Variants in POU6F2 observed in about 807,000 individuals in gnomAD.
The protein encoded by POU6F2 is POU domain, class 6, transcription factor 2.
In POU6F2, 31 loss-of-function variants were observed where a neutral mutation model predicts 71.3. The ratio of observed to expected loss-of-function variants is 0.43; its 90% CI spans 0.33 to 0.59. The LOEUF (loss-of-function observed/expected upper bound fraction) is 0.59. POU6F2 is among the 20% of genes least tolerant of loss of function. The pLI is 0.04. For missense variants in POU6F2, 783 were observed against 856.8 expected, an observed-to-expected ratio of 0.91 and a Z score of 1.07; for synonymous variants, 347 against 355.7, an observed-to-expected ratio of 0.98 and a Z score of 0.27.
At chr7:38,989,715 T>C (rs1056733752) in intron 1 of POU6F2, among the ~76,000 whole-genome samples, 4 of 151,748 alleles carry the variant, frequency 2.6e-5, no homozygotes, top group Admixed American at 2.6e-4. Flanking sequence ...ACAAATAAAA[T>C]ATATCCTGAG....
chr7:39,335,159 A>G (rs185860983), intron 4 of POU6F2, among the ~76,000 whole-genome samples: 1 of 151,828 alleles, frequency 6.6e-6, no homozygotes, highest in Non-Finnish European at 1.5e-5. Flanking sequence ...AACATGTACC[A>G]TGGCCCTTCT....
At chr7:39,250,465 G>A (rs1423420080) in intron 4 of POU6F2, among the ~76,000 whole-genome samples, 1 of 152,122 alleles carries the variant, frequency 6.6e-6, no homozygotes, top group African/African-American at 2.4e-5. Flanking sequence ...ACAGGTACAA[G>A]GAAAACAAAC....
intron 8 of POU6F2, among the ~76,000 whole-genome samples, chr7:39,457,244 G>A (rs1326062118): frequency 6.6e-6 from 1 of 152,190 alleles, no homozygotes; most frequent in East Asian, 1.9e-4. Context: ...GTGTCTGGTG[G>A]CAACACAGGC....
intron 8 of POU6F2, among the ~76,000 whole-genome samples, chr7:39,458,607 C>G (rs1228938681): frequency 2.0e-5 from 3 of 152,030 alleles, no homozygotes; most frequent in Admixed American, 1.3e-4. Context: ...AGGGACGGCC[C>G]GAACAAATCT....
intron 1 of POU6F2, among the ~76,000 whole-genome samples, chr7:39,082,621 T>A (rs986634030): frequency 1.3e-5 from 2 of 152,096 alleles, no homozygotes; most frequent in Admixed American, 1.3e-4. Flanking sequence ...AGAGAGAGAA[T>A]GACTTCCAAG....
intron 2 of POU6F2, among the ~76,000 whole-genome samples, chr7:39,126,615 C>G (rs1179052339): frequency 6.6e-6 from 1 of 152,024 alleles, no homozygotes; most frequent in African/African-American, 2.4e-5. Flanking sequence ...TAAGACTGGC[C>G]TAAGATTTTC....
intron 4 of POU6F2, 82 bp from the exon 5 acceptor site, chr7:39,339,560 A>G (rs1020645055): frequency 2.5e-5 from 37 of 1,471,076 alleles, no homozygotes; most frequent in Middle Eastern, 1.8e-4. Context: ...ACCCTTCTCC[A>G]CTTGCACTGG....
intron 4 of POU6F2, among the ~76,000 whole-genome samples, chr7:39,244,662 G>A (rs891344791): frequency 6.6e-6 from 1 of 152,116 alleles, no homozygotes; most frequent in Non-Finnish European, 1.5e-5. Context: ...TACAAGCAGT[G>A]TAATGTTAAT....
chr7:39,230,764 G>A (rs754128687), intron 4 of POU6F2, among the ~76,000 whole-genome samples: 15 of 152,088 alleles, frequency 9.9e-5, no homozygotes, highest in Non-Finnish European at 2.2e-4. Context: ...AGTTAGTACT[G>A]GTCAATATAC....
Position 39,199,178 on chromosome 7 carries a change from C to T in POU6F2, c.278-5057C>T, listed in dbSNP as rs192271419. Reference sequence around the variant, plus strand: ...CTTAAGCACTGTACTTTGGAGGGATCGCTGACACATGGGAGGAAGTGGAGT... The same window carrying T: ...CTTAAGCACTGTACTTTGGAGGGATTGCTGACACATGGGAGGAAGTGGAGT... On this transcript the variant is annotated intron_variant, in intron 2 of 9. Coordinates refer to ENST00000518318, the MANE Select transcript of POU6F2 (RefSeq NM_001370959.1). Among the ~76,000 whole-genome samples the T allele has an allele frequency of 9.2e-5, 14 of 152,288 alleles. 1 individual carries two copies. The East Asian group carries it at 2.5e-3, about 27-fold the overall frequency.
chr7:39,220,448 A>G lies in POU6F2; in HGVS notation c.598+12828A>G, dbSNP rs73695529. On this transcript the variant is annotated intron_variant, in intron 4 of 9. Coordinates refer to ENST00000518318, the MANE Select transcript of POU6F2 (RefSeq NM_001370959.1). ...CCCCTTGACAAGAGATGGGGGAAAAAGAGGGGTGTACTTGGCACCATCTCT... is the reference window on the plus strand; with the variant it reads ...CCCCTTGACAAGAGATGGGGGAAAAGGAGGGGTGTACTTGGCACCATCTCT... Among the ~76,000 whole-genome samples, 572 of 152,278 alleles carry G rather than the reference A, an allele frequency of 3.8e-3. 7 individuals are homozygous for G. The highest frequency in any genetic ancestry group is 0.013 in the African/African-American group (556 of 41,548).
In POU6F2 at chr7:39,125,734, A is replaced by T. The variant is rs543866523; in HGVS notation, c.277+39703A>T. Among the ~76,000 whole-genome samples, 3 of 145,874 alleles carry T rather than the reference A, an allele frequency of 2.1e-5. No individual in the cohort carries two copies. The East Asian group carries it at 5.9e-4, about 29-fold the overall frequency. On this transcript the variant is annotated intron_variant, in intron 2 of 9. Transcript: ENST00000518318. ...CGAACACACAAATATACTTTTGCATATACATTTGTTAAAAAAAAATATTGA... is the reference window on the plus strand; with the variant it reads ...CGAACACACAAATATACTTTTGCATTTACATTTGTTAAAAAAAAATATTGA...
chr7:39,373,725 G>A, intron 5 of POU6F2: 1 of 330,862 alleles, frequency 3.0e-6, no homozygotes, highest in Non-Finnish European at 6.0e-6. Context: ...TGCTATCTAT[G>A]TTCATCATGT....
At chr7:39,385,218 A>G (rs1786911231) in intron 5 of POU6F2, among the ~76,000 whole-genome samples, 1 of 152,238 alleles carries the variant, frequency 6.6e-6, no homozygotes, top group South Asian at 2.1e-4. Flanking sequence ...AAAATGAGAC[A>G]CAGTAAGTTC....
intron 2 of POU6F2, among the ~76,000 whole-genome samples, chr7:39,159,683 CA>C (rs1792949992): frequency 1.3e-5 from 2 of 150,782 alleles, no homozygotes; most frequent in Non-Finnish European, 3.0e-5. Flanking sequence ...GAAGAGGTAA[CA>C]AAAAGATGAT....
chr7:39,060,101 G>A (rs1011709280), intron 1 of POU6F2, among the ~76,000 whole-genome samples: 15 of 151,988 alleles, frequency 9.9e-5, no homozygotes, highest in African/African-American at 3.6e-4. Context: ...CCAGCTACTC[G>A]AGAGGCTGAG....
Position 38,995,527 on chromosome 7 carries a change from A to G in POU6F2, c.105+17469A>G, listed in dbSNP as rs935230292. ...GTGATGAAAAAAAAGAGAGAGGACT[A>G]AAATATTTGTTTGGCTACAGAGGGA... On this transcript the variant is annotated intron_variant, in intron 1 of 9. Coordinates refer to ENST00000518318, the MANE Select transcript of POU6F2 (RefSeq NM_001370959.1). Among the ~76,000 whole-genome samples the G allele has an allele frequency of 2.8e-4, 42 of 152,240 alleles. 3 individuals carry two copies. Among genetic ancestry groups the G allele is most frequent in the East Asian group, 2.1e-3 (11 of 5,202 alleles).
rs1583508725 is a variant in POU6F2, at chr7:39,301,975, T to C, written c.599-37667T>C. Among the ~76,000 whole-genome samples the C allele has an allele frequency of 2.0e-5, 3 of 152,206 alleles. No individual in the cohort carries two copies. The South Asian group carries it at 6.2e-4, about 32-fold the overall frequency. ...AAAAAAAAAAAGAATTCTTCCTCTT[T>C]ATTTGTTCATGGATAAGATGTGCCA... On this transcript the variant is annotated intron_variant, in intron 4 of 9. Coordinates refer to ENST00000518318, the MANE Select transcript of POU6F2 (RefSeq NM_001370959.1).
intron 4 of POU6F2, among the ~76,000 whole-genome samples, chr7:39,225,517 G>A (rs977221051): frequency 2.0e-5 from 3 of 151,920 alleles, no homozygotes; most frequent in South Asian, 2.1e-4. Context: ...CCTGGATTTC[G>A]AAGCATGTTA....
Sources: gnomAD v4.1 joint callset for allele counts (sites outside exome capture counted in the v4.1 genomes callset) on GRCh38, gnomAD v4.1.1 for gene constraint, MANE v1.5 for transcripts, NCBI Gene and HGNC (gene_info 2026-07-23, HGNC 2026-07-21) for gene names.